Variants in UBIAD1 observed in about 807,000 individuals in gnomAD.
The protein encoded by UBIAD1 is ubiA prenyltransferase domain-containing protein 1.
A neutral mutation model predicts 20.1 loss-of-function variants in UBIAD1; 12 were observed. The observed-to-expected ratio is 0.60, with a 90% CI of 0.38 to 0.97. UBIAD1 has a LOEUF of 0.97. UBIAD1 is among the 50% of genes least tolerant of loss of function. The pLI is 0.00. For missense variants in UBIAD1, 333 were observed against 419.5 expected (o/e 0.79, Z 1.80); for synonymous variants, 207 against 189.2 (o/e 1.09, Z -0.77).
In UBIAD1 at chr1:11,286,683, G is replaced by A. The variant is rs111991610; in HGVS notation, c.*552G>A. 629 of 160,598 alleles carry A rather than the reference G, an allele frequency of 3.9e-3. 6 individuals are homozygous for A. Among genetic ancestry groups the A allele is most frequent in the African/African-American group, 0.014 (572 of 41,588 alleles). 9.9% of individuals were successfully genotyped at this position (160,598 alleles called of 1,614,324 possible). ...GAGTCCCTCATTAACAGCCTGTGTG[G>A]CTGTCAGCTTTTTGCCTAAATTGTG... On this transcript the variant is annotated 3_prime_UTR_variant, in exon 2 of 2. Coordinates refer to ENST00000376810, the MANE Select transcript of UBIAD1 (RefSeq NM_013319.3).
Position 11,288,056 on chromosome 1 carries a change from CCTT to C in UBIAD1, c.*1928_*1930del, listed in dbSNP as rs1479920949. The C allele has an allele frequency of 6.6e-6, 1 of 152,216 alleles. No individual in the cohort carries two copies. Among genetic ancestry groups the C allele is most frequent in the African/African-American group, 2.4e-5 (1 of 41,440 alleles). The allele number at this position is 152,216 out of a possible 1,614,324, so 9.4% of individuals were successfully genotyped here. On this transcript the variant is annotated 3_prime_UTR_variant, in exon 2 of 2. Coordinates refer to ENST00000376810, the MANE Select transcript of UBIAD1 (RefSeq NM_013319.3). Reference sequence around the variant, plus strand: ...CCAGAGACAAGGGGAAGAAAGATGACCTTCTCCCCAGTCCTTCCCAGCACCATT... The same window carrying C: ...CCAGAGACAAGGGGAAGAAAGATGACCTCCCCAGTCCTTCCCAGCACCATT...
intron 1 of UBIAD1, among the ~76,000 whole-genome samples, chr1:11,278,050 C>T (rs932323665): frequency 1.3e-5 from 2 of 152,164 alleles, no homozygotes; most frequent in African/African-American, 2.4e-5. Context: ...TTCTGCCTCC[C>T]GGGATCAAGC....
downstream of UBIAD1, among the ~76,000 whole-genome samples, chr1:11,299,464 A>G (rs1485006773): frequency 1.3e-5 from 2 of 152,196 alleles, no homozygotes; most frequent in Admixed American, 6.5e-5. Flanking sequence ...TTTGGTTAAC[A>G]GTCTTTTTCA....
At chr1:11,275,109 A>G (rs1457504955) in intron 1 of UBIAD1, among the ~76,000 whole-genome samples, 1 of 152,328 alleles carries the variant, frequency 6.6e-6, no homozygotes, top group East Asian at 1.9e-4. Context: ...TTGAGCACCT[A>G]TTATGTGCCA....
At chr1:11,290,266 AC>A (rs1395855181), downstream of UBIAD1, among the ~76,000 whole-genome samples, 3 of 152,188 alleles carry the variant, frequency 2.0e-5, no homozygotes, top group African/African-American at 7.2e-5. Context: ...GTCTGGGATC[AC>A]CCAGAACTCC....
intron 1 of UBIAD1, among the ~76,000 whole-genome samples, chr1:11,281,287 T>A (rs1557517822): frequency 6.6e-6 from 1 of 152,176 alleles, no homozygotes; most frequent in African/African-American, 2.4e-5. Flanking sequence ...CCTGCTGCTC[T>A]TCTCTGCATT....
chr1:11,284,267 G>A (rs1371474172), intron 1 of UBIAD1, among the ~76,000 whole-genome samples: 2 of 152,128 alleles, frequency 1.3e-5, no homozygotes, highest in Non-Finnish European at 2.9e-5. Context: ...CAGGCCAAGG[G>A]AGGGGTGTCT....
chr1:11,277,076 A>C (rs1431957185), intron 1 of UBIAD1, among the ~76,000 whole-genome samples: 1 of 151,882 alleles, frequency 6.6e-6, no homozygotes, highest in Non-Finnish European at 1.5e-5. Context: ...ATCTCTACTA[A>C]AAATACAAAA....
exon 2 of UBIAD1, chr1:11,294,940 G>A (rs2101029467): frequency 2.8e-6 from 2 of 717,508 alleles, no homozygotes; most frequent in South Asian, 3.0e-5. Context: ...CCCAGAAACT[G>A]CCTAGTGACC....
downstream of UBIAD1, among the ~76,000 whole-genome samples, chr1:11,299,235 T>G (rs1238124321): frequency 6.6e-6 from 1 of 152,230 alleles, no homozygotes; most frequent in Non-Finnish European, 1.5e-5. Context: ...ACAGTCACAG[T>G]GAGAGCCACC....
chr1:11,273,811 G>T lies in UBIAD1; in HGVS notation c.280G>T (p.Val94Leu). ...LVGCAVAVLA[V>L]HGAGNLVNTY... ...GGGTTGTGCCGTGGCTGTCCTGGCT[G>T]TGCACGGGGCCGGTAATTTGGTCAA... Residue 94 changes from valine (V) to leucine (L), a missense_variant, in exon 1 of 2, where the codon GTG becomes TTG. Around this residue, in one of 3 missense-constraint regions of UBIAD1, gnomAD observed 50 missense variants for 101.2 expected, o/e 0.49. Transcript: ENST00000376810. This position sits in a 1 kb window ranked among gnomAD's most constrained non-coding sequence, Gnocchi z 4.9. The T allele has an allele frequency of 6.2e-7, 1 of 1,614,200 alleles. No homozygotes were observed. The highest frequency in any genetic ancestry group is 8.5e-7 in the Non-Finnish European group (1 of 1,180,046).
downstream of UBIAD1, chr1:11,292,009 C>CTT (rs554476557): frequency 2.7e-5 from 4 of 146,102 alleles, no homozygotes; most frequent in East Asian, 4.0e-4. Flanking sequence ...TTTCTTTTTT[C>CTT]TTTTTTTTTT....
downstream of UBIAD1, among the ~76,000 whole-genome samples, chr1:11,288,658 AG>A (rs760422354): frequency 6.6e-6 from 1 of 152,200 alleles, no homozygotes; most frequent in Non-Finnish European, 1.5e-5. Flanking sequence ...TTGTAATCAC[AG>A]TAATTTGTGA....
Position 11,273,528 on chromosome 1 carries a change from T to G in UBIAD1, c.-4T>G, listed in dbSNP as rs770112579. The G allele has an allele frequency of 5.0e-6, 8 of 1,611,746 alleles. No individual in the cohort carries two copies. The South Asian group carries it at 5.5e-5, about 11-fold the overall frequency. On this transcript the variant is annotated 5_prime_UTR_variant, in exon 1 of 2. Transcript: ENST00000376810. This position sits in a 1 kb window ranked among gnomAD's most constrained non-coding sequence, Gnocchi z 4.9. Reference sequence around the variant, plus strand: ...AGAGTTTACTTCAACCACGTGGAGCTTCCATGGCGGCCTCTCAGGTCCTGG... The same window carrying G: ...AGAGTTTACTTCAACCACGTGGAGCGTCCATGGCGGCCTCTCAGGTCCTGG...
At chr1:11,284,219 A>T (rs1413100524) in intron 1 of UBIAD1, among the ~76,000 whole-genome samples, 2 of 152,012 alleles carry the variant, frequency 1.3e-5, no homozygotes, top group African/African-American at 2.4e-5. Context: ...GGTCCTGGGG[A>T]ATGGTCTTTA....
chr1:11,294,740 A>T, intron 1 of UBIAD1: 1 of 708,226 alleles, frequency 1.4e-6, no homozygotes, highest in Non-Finnish European at 2.6e-6. Context: ...TACAAGTCAA[A>T]GTCTGCCCAT....
At chr1:11,274,488 G>A (rs1308832670) in intron 1 of UBIAD1, among the ~76,000 whole-genome samples, 1 of 144,534 alleles carries the variant, frequency 6.9e-6, no homozygotes, top group East Asian at 2.1e-4. Context: ...TATTAGAGAC[G>A]GGGTGTCACC....
chr1:11,274,073 C>T lies in UBIAD1; in HGVS notation c.529+13C>T, dbSNP rs970167993. ...CTCTACACAGGAGGTAAGATTTGGC[C>T]TGTCCTGTGTGCTGCAGGTCTTAGT... On this transcript the variant is annotated intron_variant, in intron 1 of 1. Coordinates refer to ENST00000376810, the MANE Select transcript of UBIAD1 (RefSeq NM_013319.3). The T allele has an allele frequency of 1.2e-6, 2 of 1,613,984 alleles. No homozygotes were observed. Among genetic ancestry groups the T allele is most frequent in the Non-Finnish European group, 1.7e-6 (2 of 1,180,018 alleles).
rs751949882 is a variant in UBIAD1, at chr1:11,285,615, C to T, written c.530-29C>T. 1.2e-6 allele frequency: 2 copies of T among 1,614,036 alleles called. No individual in the cohort carries two copies. The highest frequency in any genetic ancestry group is 4.5e-5 in the East Asian group (2 of 44,888). The stretch of plus-strand genomic sequence containing the variant: ...CCCTAAATTTCCAGCCTTGGTCTCA[C>T]ACCAACTCTCTGGATTTTCTGGCCG... On this transcript the variant is annotated intron_variant, in intron 1 of 1. Coordinates refer to ENST00000376810, the MANE Select transcript of UBIAD1 (RefSeq NM_013319.3). The surrounding 1 kb of genome is among the most constrained non-coding windows in gnomAD (Gnocchi z 4.4).
Sources: allele counts gnomAD v4.1 joint callset (sites outside exome capture counted in the v4.1 genomes callset), GRCh38; gene constraint gnomAD v4.1.1; regional missense constraint gnomAD v4.1.1; non-coding constraint Gnocchi (gnomAD v3.1); transcripts MANE v1.5; gene names NCBI Gene and HGNC (gene_info 2026-07-23, HGNC 2026-07-21).